The following HIF1A variants were observed in gnomAD, a reference collection of about 807,000 sequenced individuals.
HIF1A encodes the protein hypoxia inducible factor 1 subunit alpha, also known as hypoxia-inducible factor 1-alpha.
Under a neutral mutation model 92.7 loss-of-function variants are expected in HIF1A, and 24 were observed. The ratio of observed to expected loss-of-function variants is 0.26; its 90% CI spans 0.19 to 0.36. The LOEUF (loss-of-function observed/expected upper bound fraction) is 0.36. Ranked by LOEUF, HIF1A falls within the 10% of genes least tolerant of loss-of-function variation. The pLI, the probability that HIF1A is intolerant of heterozygous loss-of-function variation, is 1.00. For missense variants in HIF1A, 799 were observed against 998.5 expected (o/e 0.80, Z 2.69); for synonymous variants, 319 against 338.7 (o/e 0.94, Z 0.64).
intron 1 of HIF1A, among the ~76,000 whole-genome samples, chr14:61,704,783 A>G (rs867485737): frequency 6.6e-6 from 1 of 152,184 alleles, no homozygotes; most frequent in African/African-American, 2.4e-5. Context: ...TTGTGCATTC[A>G]TTTATTCAAC....
In HIF1A at chr14:61,710,965, T is replaced by G. The variant is rs550800895; in HGVS notation, c.36-9417T>G. On this transcript the variant is annotated intron_variant, in intron 1 of 14. Coordinates refer to ENST00000337138, the MANE Select transcript of HIF1A (RefSeq NM_001530.4). ...ACCCCAGCTACTCAGGAAAATCGCT[T>G]GAACCTGGGAGGCGGAGGTTGCAGT... 1.4e-4 allele frequency among the ~76,000 whole-genome samples: 21 copies of G among 150,764 alleles called. No homozygotes were observed. The South Asian group carries it at 2.1e-3, about 15-fold the overall frequency.
intron 1 of HIF1A, among the ~76,000 whole-genome samples, chr14:61,717,931 G>A (rs2044381918): frequency 6.6e-6 from 1 of 151,678 alleles, no homozygotes; most frequent in African/African-American, 2.4e-5. Flanking sequence ...TGAGGCAGGA[G>A]AATTGCTTGA....
chr14:61,744,484 G>T (rs1035194511), intron 12 of HIF1A, among the ~76,000 whole-genome samples: 1 of 142,944 alleles, frequency 7.0e-6, no homozygotes, highest in African/African-American at 2.6e-5. Context: ...CTGCACTCCA[G>T]CCTGGCTGAC....
At chr14:61,736,031 G>A (rs914649830) in intron 8 of HIF1A, among the ~76,000 whole-genome samples, 8 of 147,814 alleles carry the variant, frequency 5.4e-5, no homozygotes, top group African/African-American at 2.0e-4. Flanking sequence ...TGTCACCCAG[G>A]CTGGAGTGCA....
chr14:61,737,788 A>T (rs2044655757), intron 9 of HIF1A, among the ~76,000 whole-genome samples: 1 of 152,194 alleles, frequency 6.6e-6, no homozygotes, highest in Non-Finnish European at 1.5e-5. Context: ...GCACTTTGGG[A>T]GGCCGAGGCG....
chr14:61,712,482 G>A (rs1423086392), intron 1 of HIF1A, among the ~76,000 whole-genome samples: 1 of 151,066 alleles, frequency 6.6e-6, no homozygotes, highest in African/African-American at 2.4e-5. Context: ...TTGATTTCTT[G>A]TTAAAAGGAT....
chr14:61,695,876 G>C (rs1199044607), intron 1 of HIF1A, 37 bp downstream of exon 1: 1 of 1,549,922 alleles, frequency 6.5e-7, no homozygotes, highest in African/African-American at 1.4e-5. Flanking sequence ...CTTCTCCCCC[G>C]GCGACCCCGC....
At chr14:61,695,914 C>G (rs1216367948) in intron 1 of HIF1A, 75 bp downstream of exon 1, 5 of 1,392,480 alleles carry the variant, frequency 3.6e-6, no homozygotes, top group Admixed American at 4.0e-5. Flanking sequence ...GCTCCTGGGC[C>G]GGCCTCGGCG....
chr14:61,739,461 A>AAATAAGCTTT (rs2044679741), intron 10 of HIF1A, among the ~76,000 whole-genome samples: 9 of 152,226 alleles, frequency 5.9e-5, no homozygotes, highest in Admixed American at 5.9e-4. Context: ...AATAAGTGGT[A>AAATAAGCTTT]AATAATTCTA....
chr14:61,718,662 C>T (rs889091254), intron 1 of HIF1A, among the ~76,000 whole-genome samples: 1 of 152,178 alleles, frequency 6.6e-6, no homozygotes, highest in African/African-American at 2.4e-5. Context: ...CTGGCATTTG[C>T]ATTTTCATGT....
intron 1 of HIF1A, among the ~76,000 whole-genome samples, chr14:61,704,960 CT>C (rs1455065343): frequency 6.6e-6 from 1 of 152,100 alleles, no homozygotes; most frequent in Non-Finnish European, 1.5e-5. Context: ...GAAGTACAGA[CT>C]TTTGGGTTTA....
Position 61,727,523 on chromosome 14 carries a change from A to G in HIF1A, c.641A>G (p.Lys214Arg). The change falls in exon 6 of 15, where the codon AAA (lysine) becomes AGA (arginine). Residue 214 changes from lysine to arginine, a missense_variant. This residue lies in a region of HIF1A where 516 missense variants were observed against 721.0 expected (regional missense o/e 0.72). Transcript: ENST00000337138. ...NSNQPQCGYKKPPMTCLVLIC... is the reference protein window; with the variant it reads ...NSNQPQCGYKRPPMTCLVLIC... ...AACCAACCTCAGTGTGGGTATAAGA[A>G]ACCACCTATGACCTGCTTGGTGCTG... 2 of 1,613,968 alleles carry G rather than the reference A, an allele frequency of 1.2e-6. No individual in the cohort carries two copies. The highest frequency in any genetic ancestry group is 1.7e-6 in the Non-Finnish European group (2 of 1,179,880).
chr14:61,698,591 C>G (rs2044141835), intron 1 of HIF1A, among the ~76,000 whole-genome samples: 1 of 152,212 alleles, frequency 6.6e-6, no homozygotes, highest in Non-Finnish European at 1.5e-5. Flanking sequence ...GCTAGTCCTT[C>G]CAGCTGTTTC....
In HIF1A at chr14:61,721,833, G is replaced by C. The variant is rs1437478923; in HGVS notation, c.457+10G>C. On this transcript the variant is annotated intron_variant, in intron 4 of 14. Coordinates refer to ENST00000337138, the MANE Select transcript of HIF1A (RefSeq NM_001530.4). ...CTTACACACAGAAATGGTAAGAAAA[G>C]TCTGTTGTTTGATTTAATGTGACAG... The C allele has an allele frequency of 1.9e-6, 3 of 1,593,464 alleles. No homozygotes were observed. The African/African-American group carries it at 4.0e-5, about 21-fold the overall frequency.
chr14:61,718,435 A>G (rs1175019884), intron 1 of HIF1A, among the ~76,000 whole-genome samples: 1 of 152,142 alleles, frequency 6.6e-6, no homozygotes, highest in African/African-American at 2.4e-5. Flanking sequence ...GGAGGAAGTG[A>G]GAGATTTTCT....
chr14:61,735,605 T>G (rs1166351978), intron 8 of HIF1A, among the ~76,000 whole-genome samples: 1 of 152,278 alleles, frequency 6.6e-6, no homozygotes. Flanking sequence ...GTTGGCTATT[T>G]TAATCTTTGC....
intron 9 of HIF1A, 106 bp from the exon 10 acceptor site, chr14:61,737,981 T>A: frequency 4.7e-6 from 4 of 851,560 alleles, no homozygotes; most frequent in Non-Finnish European, 7.1e-6. Flanking sequence ...GAGCCAAGAT[T>A]GCGCCATTGC....
chr14:61,737,142 G>T, intron 9 of HIF1A, 33 bp downstream of exon 9: 1 of 1,475,366 alleles, frequency 6.8e-7, no homozygotes, highest in Non-Finnish European at 9.5e-7. Context: ...CCCCTAAATT[G>T]TGTCTGTTGC....
At chr14:61,741,645 A>G (rs2044713766) in intron 12 of HIF1A, among the ~76,000 whole-genome samples, 1 of 152,186 alleles carries the variant, frequency 6.6e-6, no homozygotes, top group Non-Finnish European at 1.5e-5. Context: ...CTGGGATTAC[A>G]GGTGTGAGCC....
Sources: allele counts gnomAD v4.1 joint callset (sites outside exome capture counted in the v4.1 genomes callset), GRCh38; gene constraint gnomAD v4.1.1; regional missense constraint gnomAD v4.1.1; transcripts MANE v1.5; gene names NCBI Gene and HGNC (gene_info 2026-07-23, HGNC 2026-07-21).